Variants in ARHGAP42 observed in about 807,000 individuals in gnomAD.
ARHGAP42 encodes rho GTPase-activating protein 42.
Under a neutral mutation model 125.0 loss-of-function variants are expected in ARHGAP42, and 63 were observed. The observed-to-expected ratio is 0.50, with a 90% confidence interval of 0.41 to 0.62. The LOEUF (loss-of-function observed/expected upper bound fraction) is 0.62. Among genes scored for constraint, ARHGAP42 ranks in the 20% least tolerant of loss-of-function variants. The pLI is 0.00. For synonymous variants in ARHGAP42, 339 were observed against 351.0 expected, an observed-to-expected ratio of 0.97 and a Z score of 0.38; for missense variants, 766 against 1,024.2, an observed-to-expected ratio of 0.75 and a Z score of 3.44.
chr11:100,957,160 A>C (rs550777877), intron 12 of ARHGAP42, among the ~76,000 whole-genome samples: 16 of 152,268 alleles, frequency 1.1e-4, no homozygotes, highest in African/African-American at 3.8e-4. Flanking sequence ...TGAGGCACAG[A>C]GATCAAAACC....
chr11:100,723,882 C>T (rs1317783113), intron 1 of ARHGAP42, among the ~76,000 whole-genome samples: 1 of 152,096 alleles, frequency 6.6e-6, no homozygotes, highest in Non-Finnish European at 1.5e-5. Flanking sequence ...ATGACATTAG[C>T]TGTAGGTTTT....
chr11:100,690,750 C>T (rs1269621234), intron 1 of ARHGAP42, among the ~76,000 whole-genome samples: 1 of 152,066 alleles, frequency 6.6e-6, no homozygotes, highest in Non-Finnish European at 1.5e-5. Context: ...GTGCCCGCCA[C>T]CACACCTGGC....
At chr11:100,749,940 A>G (rs1862406118) in intron 1 of ARHGAP42, among the ~76,000 whole-genome samples, 1 of 152,136 alleles carries the variant, frequency 6.6e-6, no homozygotes, top group South Asian at 2.1e-4. Context: ...CCTTTAAGCT[A>G]GGTTGCTGGC....
At chr11:100,927,067 A>T (rs1867446615) in intron 6 of ARHGAP42, among the ~76,000 whole-genome samples, 1 of 152,204 alleles carries the variant, frequency 6.6e-6, no homozygotes, top group African/African-American at 2.4e-5. Flanking sequence ...TGCTAAATTC[A>T]ATTTAAATTT....
At chr11:100,885,105 G>A (rs1483995083) in intron 4 of ARHGAP42, among the ~76,000 whole-genome samples, 2 of 152,128 alleles carry the variant, frequency 1.3e-5, no homozygotes, top group Non-Finnish European at 2.9e-5. Flanking sequence ...GTATTTAGCG[G>A]AGTTGGCATG....
intron 1 of ARHGAP42, among the ~76,000 whole-genome samples, chr11:100,700,154 A>T (rs754520925): frequency 1.9e-4 from 29 of 152,226 alleles, no homozygotes; most frequent in Non-Finnish European, 4.0e-4. Flanking sequence ...GCTTATGTTT[A>T]CACTATACAT....
intron 6 of ARHGAP42, among the ~76,000 whole-genome samples, chr11:100,931,194 G>C (rs1218588919): frequency 2.6e-5 from 4 of 152,092 alleles, no homozygotes; most frequent in African/African-American, 9.7e-5. Flanking sequence ...TTGTGGTATC[G>C]TGACAGTGCT....
intron 3 of ARHGAP42, among the ~76,000 whole-genome samples, chr11:100,806,796 C>A (rs868606147): frequency 1.4e-4 from 21 of 151,886 alleles, no homozygotes; most frequent in African/African-American, 3.4e-4. Flanking sequence ...TGCTAATAAT[C>A]ATAAAATTCA....
intron 1 of ARHGAP42, among the ~76,000 whole-genome samples, chr11:100,755,744 T>G (rs1237373363): frequency 6.6e-6 from 1 of 152,176 alleles, no homozygotes; most frequent in Non-Finnish European, 1.5e-5. Flanking sequence ...TGTGCATGAA[T>G]GAAAAACTAA....
At chr11:100,821,985 G>A (rs191726751) in intron 3 of ARHGAP42, among the ~76,000 whole-genome samples, 4 of 152,128 alleles carry the variant, frequency 2.6e-5, no homozygotes, top group Admixed American at 6.6e-5. Context: ...TGCTGCTGAT[G>A]GTGAATATCC....
chr11:100,721,331 C>T (rs1157284934), intron 1 of ARHGAP42, among the ~76,000 whole-genome samples: 4 of 152,242 alleles, frequency 2.6e-5, no homozygotes, highest in East Asian at 1.9e-4. Flanking sequence ...CTGCTTCTAT[C>T]GTTTTGCCTT....
chr11:100,802,895 A>G (rs1863893675), intron 3 of ARHGAP42, among the ~76,000 whole-genome samples: 1 of 152,114 alleles, frequency 6.6e-6, no homozygotes, highest in Admixed American at 6.6e-5. Context: ...CTCTTGTCAC[A>G]CAGGCTTCAT....
At chr11:100,971,717 A>G (rs1353437495) in intron 17 of ARHGAP42, among the ~76,000 whole-genome samples, 1 of 152,188 alleles carries the variant, frequency 6.6e-6, no homozygotes, top group Non-Finnish European at 1.5e-5. Context: ...TTTTAGCAAG[A>G]GTGCCTAAAG....
chr11:100,919,247 C>T (rs775379689), intron 5 of ARHGAP42, among the ~76,000 whole-genome samples: 13 of 152,132 alleles, frequency 8.5e-5, no homozygotes, highest in Admixed American at 4.6e-4. Context: ...CTTCCTGGCA[C>T]GTACCCAAAT....
In ARHGAP42 at chr11:100,978,998, A is replaced by G. The variant is rs1202563153; in HGVS notation, c.2405A>G (p.Lys802Arg). 6.4e-7 allele frequency: 1 copy of G among 1,551,336 alleles called. No individual in the cohort carries two copies. Among genetic ancestry groups the G allele is most frequent in the Non-Finnish European group, 8.7e-7 (1 of 1,146,830 alleles). The change falls in exon 22 of 24, where the codon AAA becomes AGA. Residue 802 changes from lysine (K) to arginine (R), a missense_variant. This residue lies in a region of ARHGAP42 where 308 missense variants were observed against 369.7 expected (regional missense o/e 0.83). Transcript: ENST00000298815. ...AAATCATTTTTCAGAGTGGCAGCAA[A>G]AGCTCAACTGTTTGAAAATGTTGGT... ...YQRPGSVVAA[K>R]AQLFENVGSP...
chr11:100,834,211 C>T (rs1425023005), intron 3 of ARHGAP42, among the ~76,000 whole-genome samples: 2 of 152,136 alleles, frequency 1.3e-5, no homozygotes, highest in Non-Finnish European at 2.9e-5. Flanking sequence ...ATTACAAGCT[C>T]AGTCAGATAT....
chr11:100,988,664 A>T (rs779407206), intron 23 of ARHGAP42, 49 bp from the exon 24 acceptor site: 2 of 1,432,744 alleles, frequency 1.4e-6, no homozygotes, highest in African/African-American at 2.8e-5. Context: ...TTATATAATT[A>T]TTTGACACTA....
intron 1 of ARHGAP42, among the ~76,000 whole-genome samples, chr11:100,709,989 TA>T (rs1482528124): frequency 1.3e-5 from 2 of 152,210 alleles, no homozygotes; most frequent in Non-Finnish European, 2.9e-5. Context: ...AATATTCTTC[TA>T]TTGCACTTGG....
chr11:100,773,482 G>T (rs553810228), intron 2 of ARHGAP42, among the ~76,000 whole-genome samples: 2 of 152,196 alleles, frequency 1.3e-5, no homozygotes, highest in East Asian at 3.9e-4. Context: ...GTATGTTCAG[G>T]TTACTTCTGG....
Sources: allele counts gnomAD v4.1 joint callset (sites outside exome capture counted in the v4.1 genomes callset), GRCh38; gene constraint gnomAD v4.1.1; regional missense constraint gnomAD v4.1.1; transcripts MANE v1.5; gene names NCBI Gene and HGNC (gene_info 2026-07-23, HGNC 2026-07-21).